The following ZP3 variants were observed in gnomAD, a reference collection of about 807,000 sequenced individuals.
The protein encoded by ZP3 is zona pellucida sperm-binding protein 3.
A neutral mutation model predicts 35.6 loss-of-function variants in ZP3; 21 were observed. The ratio of observed to expected loss-of-function variants is 0.59; its 90% CI spans 0.42 to 0.85. The LOEUF is 0.85. Among genes scored for constraint, ZP3 ranks in the 40% least tolerant of loss-of-function variants. ZP3 has a pLI of 0.00. For missense variants in ZP3, 437 were observed against 536.5 expected (o/e 0.81, Z 1.83); for synonymous variants, 207 against 214.5 (o/e 0.96, Z 0.31).
intron 1 of ZP3, among the ~76,000 whole-genome samples, chr7:76,419,628 C>A (rs1805457011): frequency 6.6e-6 from 1 of 151,648 alleles, no homozygotes; most frequent in Non-Finnish European, 1.5e-5. Context: ...TTCTTTCTTT[C>A]TTTTTCTTTC....
intron 1 of ZP3, among the ~76,000 whole-genome samples, chr7:76,404,940 T>C (rs1421922607): frequency 6.6e-6 from 1 of 151,052 alleles, no homozygotes; most frequent in Non-Finnish European, 1.5e-5. Context: ...TGTGGTGGAG[T>C]GCACCTGTAA....
chr7:76,424,400 A>G (rs911239133), upstream of ZP3, among the ~76,000 whole-genome samples: 3 of 152,214 alleles, frequency 2.0e-5, no homozygotes, highest in Non-Finnish European at 2.9e-5. Context: ...AGGCTGAGGC[A>G]GGAGGATCAC....
At chr7:76,407,488 C>T (rs900988262) in intron 1 of ZP3, among the ~76,000 whole-genome samples, 1 of 152,068 alleles carries the variant, frequency 6.6e-6, no homozygotes, top group African/African-American at 2.4e-5. Context: ...GGTATCACCA[C>T]GCCCAGCTAA....
At chr7:76,400,181 G>T (rs1456159656) in intron 1 of ZP3, 1 of 1,264,646 alleles carries the variant, frequency 7.9e-7, no homozygotes, top group Non-Finnish European at 1.0e-6. Flanking sequence ...GGCCTGATCT[G>T]CATGGAACAG....
At position 76,418,639 on chromosome 7, in the gene ZP3, G is replaced by A. The variant is rs953305620; in HGVS notation, c.-66-6413G>A. 1.2e-4 allele frequency among the ~76,000 whole-genome samples: 18 copies of A among 147,500 alleles called. No individual in the cohort carries two copies. The East Asian group carries it at 1.5e-3, about 12-fold the overall frequency. ...TGGGAGGCCAAGGCGGGCAGATCAC[G>A]AGGTCAGGCGGTCGAGACCATCCCA... is the stretch of plus-strand genomic sequence containing the variant. On this transcript the variant is annotated intron_variant, in intron 1 of 8. Coordinates refer to the ZP3 transcript ENST00000336517.
At chr7:76,398,884 AT>A in intron 1 of ZP3, 1 of 1,396,514 alleles carries the variant, frequency 7.2e-7, no homozygotes, top group Non-Finnish European at 1.0e-6. Flanking sequence ...GGATGGACCC[AT>A]AAGGTGCTTG....
At chr7:76,409,510 A>T in intron 1 of ZP3, 1 of 152,298 alleles carries the variant, frequency 6.6e-6, no homozygotes, top group East Asian at 1.9e-4. Flanking sequence ...AGGAGGAAGG[A>T]TCTTCCAAAT....
upstream of ZP3, among the ~76,000 whole-genome samples, chr7:76,420,198 CATAGAG>C (rs920843405): frequency 3.3e-5 from 5 of 151,590 alleles, no homozygotes; most frequent in African/African-American, 1.2e-4. Flanking sequence ...CCTTCTTCTT[CATAGAG>C]ATAAAGTCTC....
chr7:76,437,470 C>CTTT (rs71521129), intron 5 of ZP3, among the ~76,000 whole-genome samples: 255 of 134,838 alleles, frequency 1.9e-3, no homozygotes, highest in South Asian at 0.014. Context: ...ACACTCCCCT[C>CTTT]TTTTTTTTTT....
chr7:76,401,056 G>T, intron 1 of ZP3: 1 of 1,543,810 alleles, frequency 6.5e-7, no homozygotes, highest in Non-Finnish European at 8.8e-7. Context: ...GAAACAGAGT[G>T]AGGAAGAGCA....
intron 4 of ZP3, 133 bp downstream of exon 4, chr7:76,433,780 C>G (rs1012568756): frequency 9.0e-5 from 100 of 1,106,020 alleles, no homozygotes; most frequent in Non-Finnish European, 1.2e-4. Flanking sequence ...CCCTCTGCAA[C>G]CTCTGCCTCC....
At chr7:76,426,747 C>G (rs1285464606) in intron 1 of ZP3, among the ~76,000 whole-genome samples, 2 of 151,664 alleles carry the variant, frequency 1.3e-5, no homozygotes, top group African/African-American at 4.8e-5. Context: ...GCTCTTATTG[C>G]CCAGGCTGGA....
intron 1 of ZP3, chr7:76,397,851 G>T: frequency 6.6e-7 from 1 of 1,516,976 alleles, no homozygotes; most frequent in Non-Finnish European, 8.9e-7. Flanking sequence ...GGGGGCGGGG[G>T]TCAGGGCGCA....
At chr7:76,400,560 G>A in intron 1 of ZP3, 1 of 1,497,992 alleles carries the variant, frequency 6.7e-7, no homozygotes, top group East Asian at 2.5e-5. Flanking sequence ...GGCGGCCCCG[G>A]CAGCGGCTGG....
chr7:76,406,607 C>T (rs1489363415), intron 1 of ZP3, among the ~76,000 whole-genome samples: 1 of 151,962 alleles, frequency 6.6e-6, no homozygotes, highest in African/African-American at 2.4e-5. Flanking sequence ...TCTCAGCCTC[C>T]TGAGGAGCTG....
At chr7:76,404,264 T>C (rs1205064479) in intron 1 of ZP3, 3 of 1,500,696 alleles carry the variant, frequency 2.0e-6, no homozygotes, top group Non-Finnish European at 2.7e-6. Flanking sequence ...ACAACTGAGA[T>C]TCAGAAAGAG....
chr7:76,424,921 G>A, upstream of ZP3: 1 of 1,477,994 alleles, frequency 6.8e-7, no homozygotes, highest in South Asian at 1.3e-5. Context: ...CATCCCACGG[G>A]TATAAGATGG....
At chr7:76,412,080 C>T (rs185264639) in intron 1 of ZP3, among the ~76,000 whole-genome samples, 21 of 150,458 alleles carry the variant, frequency 1.4e-4, no homozygotes, top group East Asian at 3.9e-4. Context: ...CCCAGCTACA[C>T]GAGAGGCTGA....
chr7:76,401,374 T>G (rs1804824252), intron 1 of ZP3, among the ~76,000 whole-genome samples: 1 of 152,054 alleles, frequency 6.6e-6, no homozygotes, highest in Non-Finnish European at 1.5e-5. Context: ...CTACAAAACC[T>G]TCTAGAATCT....
Sources: gnomAD v4.1 joint callset for allele counts (sites outside exome capture counted in the v4.1 genomes callset) on GRCh38, gnomAD v4.1.1 for gene constraint, MANE v1.5 for transcripts, NCBI Gene and HGNC (gene_info 2026-07-23, HGNC 2026-07-21) for gene names.